The following RNGTT variants were observed in gnomAD, a reference collection of about 807,000 sequenced individuals.
RNGTT encodes the protein RNA guanylyltransferase and 5'-phosphatase, also known as mRNA-capping enzyme.
A neutral mutation model predicts 79.3 loss-of-function variants in RNGTT; 33 were observed. The observed-to-expected ratio is 0.42, with a 90% CI of 0.32 to 0.56. RNGTT has a LOEUF of 0.56. RNGTT is among the 20% of genes least tolerant of loss of function. The pLI, the probability that RNGTT is intolerant of heterozygous loss-of-function variation, is 0.17. For synonymous variants in RNGTT, 222 were observed against 235.9 expected (o/e 0.94, Z 0.54); for missense variants, 497 against 739.1 (o/e 0.67, Z 3.80).
At chr6:88,660,189 C>G (rs372887922) in intron 14 of RNGTT, among the ~76,000 whole-genome samples, 2 of 152,104 alleles carry the variant, frequency 1.3e-5, no homozygotes, top group East Asian at 3.8e-4. Flanking sequence ...CAAAATAGAA[C>G]CTCCTTAAAG....
chr6:88,765,129 T>C (rs1310938602), intron 13 of RNGTT, among the ~76,000 whole-genome samples: 1 of 151,206 alleles, frequency 6.6e-6, no homozygotes, highest in Non-Finnish European at 1.5e-5. Flanking sequence ...GAGGCAGAGC[T>C]TGCAGTGAGC....
chr6:88,612,763 G>C lies in RNGTT; in HGVS notation c.1750C>G (p.Leu584Val). 6.2e-7 allele frequency: 1 copy of C among 1,613,274 alleles called. No homozygotes were observed. The highest frequency in any genetic ancestry group is 8.5e-7 in the Non-Finnish European group (1 of 1,179,920). The change falls in exon 16 of 16, where the codon CTC (leucine) becomes GTC (valine). Residue 584 changes from leucine to valine, a missense_variant. Leu to Val is a conservative substitution (Grantham distance 32). Transcript: ENST00000369485. ...CTTTTGGGAGGTGGTGGTGGCATGAGCTCCGTGTCAGGGTCCAGATGATGT... is the reference window on the plus strand; with the variant it reads ...CTTTTGGGAGGTGGTGGTGGCATGACCTCCGTGTCAGGGTCCAGATGATGT... ...RKHHLDPDTELMPPPPPKRPR... is the reference protein window; with the variant it reads ...RKHHLDPDTEVMPPPPPKRPR...
Position 88,963,563 on chromosome 6 carries a change from C to G in RNGTT, c.-154G>C. ...TCTCCGATCCGGGTAACGTCAGGGGCGGCGCGCCACTTTCATTCAGGATCA... is the reference window on the plus strand; with the variant it reads ...TCTCCGATCCGGGTAACGTCAGGGGGGGCGCGCCACTTTCATTCAGGATCA... On this transcript the variant is annotated 5_prime_UTR_variant, in exon 1 of 16. Coordinates refer to ENST00000369485, the MANE Select transcript of RNGTT (RefSeq NM_003800.5). 1 of 638,074 alleles carries G rather than the reference C, an allele frequency of 1.6e-6. No homozygotes were observed. The highest frequency in any genetic ancestry group is 2.3e-5 in the South Asian group (1 of 43,656). 39.5% of individuals were successfully genotyped at this position (638,074 alleles called of 1,614,324 possible). A position where few individuals can be genotyped will look rare whatever the true frequency, so the allele number is the denominator to read the frequency against.
intron 13 of RNGTT, among the ~76,000 whole-genome samples, chr6:88,696,281 T>C (rs1775663870): frequency 6.6e-6 from 1 of 152,178 alleles, no homozygotes; most frequent in Admixed American, 6.5e-5. Flanking sequence ...TGACAATTTG[T>C]CAATTTACAA....
chr6:88,612,366 T>C lies in RNGTT; in HGVS notation c.*353A>G. 1 of 162,162 alleles carries C rather than the reference T, an allele frequency of 6.2e-6. No homozygotes were observed. Among genetic ancestry groups the C allele is most frequent in the Non-Finnish European group, 1.3e-5 (1 of 74,574 alleles). The allele number at this position is 162,162 out of a possible 1,614,324, so 10.0% of individuals were successfully genotyped here. On this transcript the variant is annotated 3_prime_UTR_variant, in exon 16 of 16. Coordinates refer to ENST00000369485, the MANE Select transcript of RNGTT (RefSeq NM_003800.5). ...GTTTTATGGGCTCACAGTTTCCAGATTGTTAACTTTATAAATTAAATGTGA... is the reference window on the plus strand; with the variant it reads ...GTTTTATGGGCTCACAGTTTCCAGACTGTTAACTTTATAAATTAAATGTGA...
intron 13 of RNGTT, among the ~76,000 whole-genome samples, chr6:88,712,039 G>A (rs563104239): frequency 6.6e-6 from 1 of 152,164 alleles, no homozygotes; most frequent in Non-Finnish European, 1.5e-5. Flanking sequence ...GAAGCAAGCT[G>A]GAATAAAAAC....
chr6:88,640,116 G>A (rs936164411), intron 14 of RNGTT, among the ~76,000 whole-genome samples: 18 of 152,062 alleles, frequency 1.2e-4, no homozygotes, highest in African/African-American at 4.3e-4. Flanking sequence ...ACTCCATAAA[G>A]GCAGGGACCA....
chr6:88,826,019 C>T (rs1458790219), intron 11 of RNGTT, among the ~76,000 whole-genome samples: 6 of 152,174 alleles, frequency 3.9e-5, no homozygotes, highest in Admixed American at 1.3e-4. Flanking sequence ...GAGTTCTTCC[C>T]TCTTTTGGGA....
intron 2 of RNGTT, among the ~76,000 whole-genome samples, chr6:88,935,978 G>A (rs759624729): frequency 6.6e-6 from 1 of 152,142 alleles, no homozygotes; most frequent in Non-Finnish European, 1.5e-5. Context: ...GAAGTGCAGT[G>A]GCTCAATCAT....
At chr6:88,628,492 T>C (rs192714008) in intron 14 of RNGTT, among the ~76,000 whole-genome samples, 198 of 152,252 alleles carry the variant, frequency 1.3e-3, no homozygotes, top group African/African-American at 4.4e-3. Context: ...CCAGAGGAAA[T>C]AGCAAATTCA....
chr6:88,784,412 G>A (rs886767969), intron 12 of RNGTT, among the ~76,000 whole-genome samples: 8 of 152,092 alleles, frequency 5.3e-5, no homozygotes, highest in African/African-American at 1.9e-4. Flanking sequence ...GGAGGCACAG[G>A]GGAGAGTCAT....
At chr6:88,665,782 G>A (rs1774381525) in intron 14 of RNGTT, among the ~76,000 whole-genome samples, 1 of 152,212 alleles carries the variant, frequency 6.6e-6, no homozygotes, top group Non-Finnish European at 1.5e-5. Context: ...CAGAGACCTA[G>A]GCTGCGTGTT....
chr6:88,880,219 G>C (rs1008060569), intron 8 of RNGTT, among the ~76,000 whole-genome samples: 3 of 151,836 alleles, frequency 2.0e-5, no homozygotes, highest in Non-Finnish European at 4.4e-5. Flanking sequence ...TGAATGAAAG[G>C]AAGAAGGGAA....
intron 13 of RNGTT, among the ~76,000 whole-genome samples, chr6:88,737,828 T>C (rs775910419): frequency 2.3e-4 from 35 of 152,328 alleles, no homozygotes; most frequent in Non-Finnish European, 4.9e-4. Context: ...TATTTTGTTA[T>C]GGTAGCTCAA....
At chr6:88,945,086 C>T (rs1054402191) in intron 1 of RNGTT, among the ~76,000 whole-genome samples, 1 of 152,360 alleles carries the variant, frequency 6.6e-6, no homozygotes, top group South Asian at 2.1e-4. Flanking sequence ...AATGTTCCAA[C>T]CCCTGCCTCC....
chr6:88,786,771 C>T (rs1221962231), intron 12 of RNGTT, among the ~76,000 whole-genome samples: 1 of 152,148 alleles, frequency 6.6e-6, no homozygotes, highest in Admixed American at 6.5e-5. Context: ...TTTTAAAACA[C>T]TGTGCTACAG....
rs765508959 is a variant in RNGTT at position 88,963,339 on chromosome 6, A to G, written c.64+7T>C. The G allele has an allele frequency of 3.7e-6, 6 of 1,612,066 alleles. No individual in the cohort carries two copies. Among genetic ancestry groups the G allele is most frequent in the Admixed American group, 1.7e-5 (1 of 59,934 alleles). On this transcript the variant is annotated splice_region_variant and intron_variant, in intron 1 of 15. Coordinates refer to ENST00000369485, the MANE Select transcript of RNGTT (RefSeq NM_003800.5). Reference sequence around the variant, plus strand: ...TGGGGATTCGAACGCCCCCCAGTCCAGGTTACCTGCCACCGGCTGGCCGCG... The same window carrying G: ...TGGGGATTCGAACGCCCCCCAGTCCGGGTTACCTGCCACCGGCTGGCCGCG...
At chr6:88,859,425 G>C (rs1313222405) in intron 8 of RNGTT, among the ~76,000 whole-genome samples, 2 of 152,144 alleles carry the variant, frequency 1.3e-5, no homozygotes, top group African/African-American at 4.8e-5. Context: ...AAATGAAAGA[G>C]GTCTGTTATT....
At chr6:88,879,168 G>A (rs1039996665) in intron 8 of RNGTT, among the ~76,000 whole-genome samples, 11 of 152,142 alleles carry the variant, frequency 7.2e-5, no homozygotes, top group Admixed American at 5.9e-4. Context: ...AGGCTGAGGC[G>A]AGCAGATCAC....
Sources: allele counts gnomAD v4.1 joint callset (sites outside exome capture counted in the v4.1 genomes callset), GRCh38; gene constraint gnomAD v4.1.1; transcripts MANE v1.5; gene names NCBI Gene and HGNC (gene_info 2026-07-23, HGNC 2026-07-21).